Variants in LHFPL3 observed in about 807,000 individuals in gnomAD.
LHFPL3 encodes the protein LHFPL tetraspan subfamily member 3, also known as LHFPL tetraspan subfamily member 3 protein.
In LHFPL3, 5 loss-of-function variants were observed where a neutral mutation model predicts 19.3. That is an observed-to-expected ratio of 0.26 (90% confidence interval 0.14 to 0.54). The LOEUF (loss-of-function observed/expected upper bound fraction) is 0.54. Among genes scored for constraint, LHFPL3 ranks in the 20% least tolerant of loss-of-function variants. The pLI is 0.94. For synonymous variants in LHFPL3, 133 were observed against 126.2 expected, an observed-to-expected ratio of 1.05 and a Z score of -0.36; for missense variants, 249 against 307.4, an observed-to-expected ratio of 0.81 and a Z score of 1.42.
Position 104,753,586 on chromosome 7 carries a change from G to A in LHFPL3, c.682+16675G>A, listed in dbSNP as rs545555161. Among the ~76,000 whole-genome samples the A allele has an allele frequency of 2.6e-5, 4 of 151,968 alleles. No individual in the cohort carries two copies. In the South Asian group the frequency reaches 8.3e-4, roughly 32 times the overall value. On this transcript the variant is annotated intron_variant, in intron 2 of 2. Coordinates refer to ENST00000424859, the MANE Select transcript of LHFPL3 (RefSeq NM_199000.3). ...ATATTAATTGAAAACATCAAAATAG[G>A]ACTTCTGTTCATGAGAGACAGCAAA...
At chr7:104,669,529 T>C in intron 1 of LHFPL3, 1 of 1,611,832 alleles carries the variant, frequency 6.2e-7, no homozygotes, top group Non-Finnish European at 8.5e-7. Flanking sequence ...TGCTGCTCTC[T>C]CTGTTGATGG....
intron 2 of LHFPL3, among the ~76,000 whole-genome samples, chr7:104,833,038 T>TATATATAATAG (rs1554349399): frequency 4.6e-5 from 1 of 21,602 alleles, no homozygotes; most frequent in African/African-American, 2.7e-4. Context: ...ATATTATATA[T>TATATATAATAG]ATATATTATA....
chr7:104,667,982 G>A, intron 1 of LHFPL3: 5 of 1,613,456 alleles, frequency 3.1e-6, no homozygotes, highest in Admixed American at 3.3e-5. Context: ...CTGCTCCACG[G>A]GCTGCTCGGG....
chr7:104,590,748 A>C (rs542524696), intron 1 of LHFPL3, among the ~76,000 whole-genome samples: 22 of 152,278 alleles, frequency 1.4e-4, no homozygotes, highest in African/African-American at 4.3e-4. Context: ...TTGGGAGTCT[A>C]AGTCTCTTTG....
At position 104,865,450 on chromosome 7, in the gene LHFPL3, C is replaced by A. The variant is rs189256974; in HGVS notation, c.683-40737C>A. ...AATGCACAAGCCTCAGTAGCCGATTCGATCAACTGGAAGAAAGGGTATCAG... is the reference window on the plus strand; with the variant it reads ...AATGCACAAGCCTCAGTAGCCGATTAGATCAACTGGAAGAAAGGGTATCAG... On this transcript the variant is annotated intron_variant, in intron 2 of 2. Transcript: ENST00000424859. Among the ~76,000 whole-genome samples, 8 of 152,098 alleles carry A rather than the reference C, an allele frequency of 5.3e-5. No homozygotes were observed. In the East Asian group the frequency reaches 1.2e-3, roughly 22 times the overall value.
chr7:104,350,548 A>AT (rs1264193869), intron 1 of LHFPL3, among the ~76,000 whole-genome samples: 11 of 152,206 alleles, frequency 7.2e-5, no homozygotes, highest in African/African-American at 2.4e-4. Flanking sequence ...CATTCCACAA[A>AT]TGTTTATTGA....
chr7:104,697,797 A>G (rs1208533224), intron 1 of LHFPL3, among the ~76,000 whole-genome samples: 4 of 152,204 alleles, frequency 2.6e-5, no homozygotes, highest in African/African-American at 9.7e-5. Flanking sequence ...TCATGCTTCC[A>G]TTTGTGCTCA....
At position 104,369,997 on chromosome 7, in the gene LHFPL3, T is replaced by C. The variant is rs73403829; in HGVS notation, c.445+40773T>C. Reference sequence around the variant, plus strand: ...AATTAATTTAACAAAAATAATGTGATATAAAGAATATTAATTGTGTTAATA... The same window carrying C: ...AATTAATTTAACAAAAATAATGTGACATAAAGAATATTAATTGTGTTAATA... On this transcript the variant is annotated intron_variant, in intron 1 of 2. Coordinates refer to ENST00000424859, the MANE Select transcript of LHFPL3 (RefSeq NM_199000.3). Among the ~76,000 whole-genome samples the C allele has an allele frequency of 5.9e-3, 900 of 152,338 alleles. 15 individuals carry two copies. The highest frequency in any genetic ancestry group is 0.02 in the African/African-American group (851 of 41,566).
rs1792436092 is a variant in LHFPL3, at chr7:104,899,298, A to C, written c.683-6889A>C. On this transcript the variant is annotated intron_variant, in intron 2 of 2. Transcript: ENST00000424859. ...TCTTCTCTAGAGTTACCCAGCTGGTAAGTTGTTGAATTAGGGTTGAAAGCC... is the reference window on the plus strand; with the variant it reads ...TCTTCTCTAGAGTTACCCAGCTGGTCAGTTGTTGAATTAGGGTTGAAAGCC... Among the ~76,000 whole-genome samples the C allele has an allele frequency of 2.6e-5, 4 of 152,282 alleles. 1 individual carries two copies. The South Asian group carries it at 8.3e-4, about 32-fold the overall frequency.
chr7:104,373,096 T>C (rs1216728644), intron 1 of LHFPL3, among the ~76,000 whole-genome samples: 1 of 152,086 alleles, frequency 6.6e-6, no homozygotes, highest in Admixed American at 6.5e-5. Context: ...TATTACAGGT[T>C]CTGAGAAATC....
At chr7:104,376,339 T>C (rs1790714016) in intron 1 of LHFPL3, among the ~76,000 whole-genome samples, 1 of 152,220 alleles carries the variant, frequency 6.6e-6, no homozygotes, top group Non-Finnish European at 1.5e-5. Context: ...AGTAAAAAAG[T>C]ATTTTCAGGT....
chr7:104,497,287 C>A (rs1444751247), intron 1 of LHFPL3, among the ~76,000 whole-genome samples: 3 of 133,762 alleles, frequency 2.2e-5, no homozygotes, highest in Non-Finnish European at 3.2e-5. Context: ...ACTCCTGAAC[C>A]GAAAATAAAA....
At chr7:104,895,395 C>T (rs1384273379) in intron 2 of LHFPL3, 1 of 152,212 alleles carries the variant, frequency 6.6e-6, no homozygotes, top group African/African-American at 2.4e-5. Flanking sequence ...ACCCAGTTAG[C>T]TTTCCTACTT....
intron 1 of LHFPL3, among the ~76,000 whole-genome samples, chr7:104,338,265 A>AT (rs1308415024): frequency 1.3e-5 from 2 of 151,180 alleles, no homozygotes; most frequent in African/African-American, 4.9e-5. Flanking sequence ...CGCCCGATTA[A>AT]TTTTTTTGTA....
intron 1 of LHFPL3, among the ~76,000 whole-genome samples, chr7:104,607,685 G>C (rs1396908985): frequency 6.6e-6 from 1 of 152,046 alleles, no homozygotes; most frequent in Non-Finnish European, 1.5e-5. Context: ...CACAGCAAAA[G>C]AAACTACCGT....
chr7:104,643,477 A>G (rs1791873365), intron 1 of LHFPL3, among the ~76,000 whole-genome samples: 1 of 152,194 alleles, frequency 6.6e-6, no homozygotes, highest in Non-Finnish European at 1.5e-5. Flanking sequence ...TTAGATACCT[A>G]CACTGTATAT....
At chr7:104,674,560 A>T (rs988263730) in intron 1 of LHFPL3, among the ~76,000 whole-genome samples, 1 of 151,674 alleles carries the variant, frequency 6.6e-6, no homozygotes, top group Non-Finnish European at 1.5e-5. Context: ...GTAGAGATGG[A>T]GTTTCACCAT....
At chr7:104,877,728 GTT>G (rs764507949) in intron 2 of LHFPL3, among the ~76,000 whole-genome samples, 1 of 151,648 alleles carries the variant, frequency 6.6e-6, no homozygotes, top group Non-Finnish European at 1.5e-5. Context: ...TTAAAAAAAA[GTT>G]AAACAGAGTT....
chr7:104,438,720 A>G (rs1295600757), intron 1 of LHFPL3, among the ~76,000 whole-genome samples: 1 of 152,186 alleles, frequency 6.6e-6, no homozygotes, highest in East Asian at 1.9e-4. Flanking sequence ...AACAAATCCA[A>G]AAGTAAGTAG....
Sources: gnomAD v4.1 joint callset for allele counts (sites outside exome capture counted in the v4.1 genomes callset) on GRCh38, gnomAD v4.1.1 for gene constraint, MANE v1.5 for transcripts, NCBI Gene and HGNC (gene_info 2026-07-23, HGNC 2026-07-21) for gene names.